The following KLHL32 variants were observed in gnomAD, a reference collection of about 807,000 sequenced individuals.
KLHL32 encodes the protein kelch like family member 32, also known as kelch-like protein 32.
KLHL32 carries 35 observed loss-of-function variants against 64.8 expected under a neutral mutation model. The observed-to-expected ratio is 0.54, with a 90% CI of 0.41 to 0.72. The LOEUF (loss-of-function observed/expected upper bound fraction) is 0.72. Among genes scored for constraint, KLHL32 ranks in the 30% least tolerant of loss-of-function variants. KLHL32 has a pLI of 0.00. For missense variants in KLHL32, 589 were observed against 768.5 expected (o/e 0.77, Z 2.76); for synonymous variants, 259 against 281.0 (o/e 0.92, Z 0.78).
At chr6:96,952,460 C>T (rs1033977215) in intron 1 of KLHL32, among the ~76,000 whole-genome samples, 2 of 152,128 alleles carry the variant, frequency 1.3e-5, no homozygotes, top group African/African-American at 4.8e-5. Flanking sequence ...CTCCATCTTG[C>T]TTCTAGCCTC....
At chr6:96,931,350 A>AC (rs994318881) in intron 1 of KLHL32, among the ~76,000 whole-genome samples, 1 of 151,950 alleles carries the variant, frequency 6.6e-6, no homozygotes, top group Admixed American at 6.6e-5. Context: ...TTTCAAAGTC[A>AC]CCCCCCGGCT....
At chr6:97,005,923 G>A (rs1779609662) in intron 3 of KLHL32, among the ~76,000 whole-genome samples, 1 of 152,158 alleles carries the variant, frequency 6.6e-6, no homozygotes, top group East Asian at 1.9e-4. Context: ...TGATTTTAGA[G>A]TATGTGGTAT....
the KLHL32 span, among the ~76,000 whole-genome samples, chr6:96,906,273 AGTTT>A: frequency 6.6e-6 from 1 of 152,220 alleles, no homozygotes; most frequent in Non-Finnish European, 1.5e-5. Flanking sequence ...TAAGCCTCTA[AGTTT>A]GTAGTGATTA....
At chr6:97,118,980 A>G (rs1164269525) in intron 7 of KLHL32, among the ~76,000 whole-genome samples, 1 of 152,206 alleles carries the variant, frequency 6.6e-6, no homozygotes, top group African/African-American at 2.4e-5. Context: ...TTAACCCTGG[A>G]GGTGCCTAAC....
chr6:96,903,029 G>A, the KLHL32 span, among the ~76,000 whole-genome samples: 5,031 of 151,792 alleles, frequency 0.033, 267 homozygotes, highest in African/African-American at 0.11. Context: ...GCATGTTGCC[G>A]CCAGCTTTTT....
At position 97,114,206 on chromosome 6, in the gene KLHL32, G is replaced by A. The variant is rs1326157560; in HGVS notation, c.1051G>A (p.Ala351Thr). 6.2e-7 allele frequency: 1 copy of A among 1,614,046 alleles called. No individual in the cohort carries two copies. Among genetic ancestry groups the A allele is most frequent in the Non-Finnish European group, 8.5e-7 (1 of 1,180,042 alleles). The change falls in exon 7 of 11, where the codon GCA becomes ACA. Residue 351 changes from alanine (A) to threonine (T), a missense_variant. Physicochemically the swap from Ala to Thr is moderately conservative, Grantham distance 58 (BLOSUM62 0). Around this residue, in one of 3 missense-constraint regions of KLHL32, gnomAD observed 226 missense variants for 353.2 expected, o/e 0.64. Transcript: ENST00000369261. ...VAVMGDFLFV[A>T]GGEVEHASGR... ...AGTCATGGGGGACTTCCTGTTTGTG[G>A]CAGGAGGGGAAGTTGAGCATGCCAG...
intron 5 of KLHL32, among the ~76,000 whole-genome samples, chr6:97,073,564 T>A (rs917473649): frequency 3.9e-5 from 6 of 152,106 alleles, no homozygotes; most frequent in Non-Finnish European, 8.8e-5. Context: ...ATTGGAAAAG[T>A]CTTTCATCTC....
upstream of KLHL32, among the ~76,000 whole-genome samples, chr6:96,922,442 A>T (rs1384691080): frequency 6.6e-6 from 1 of 152,006 alleles, no homozygotes; most frequent in Non-Finnish European, 1.5e-5. Flanking sequence ...ATATCCTTCT[A>T]CTAAGTTCCT....
In KLHL32 at chr6:97,116,922, T is replaced by G. The variant is rs1187549640; in HGVS notation, c.1354+2413T>G. ...ATATGCTGCCTCTGTTAACCAAACT[T>G]AATGAAAACAATCACAATTTTCTCA... is the stretch of plus-strand genomic sequence containing the variant. On this transcript the variant is annotated intron_variant, in intron 7 of 10. Coordinates refer to ENST00000369261, the MANE Select transcript of KLHL32 (RefSeq NM_052904.4). Among the ~76,000 whole-genome samples, 3 of 152,218 alleles carry G rather than the reference T, an allele frequency of 2.0e-5. No homozygotes were observed. In the East Asian group the frequency reaches 5.8e-4, roughly 29 times the overall value.
At chr6:96,981,629 C>A (rs2128050227) in intron 3 of KLHL32, among the ~76,000 whole-genome samples, 1 of 152,056 alleles carries the variant, frequency 6.6e-6, no homozygotes, top group East Asian at 1.9e-4. Context: ...TCTAGTTTTT[C>A]TAGGTGTGAT....
chr6:97,049,627 A>G (rs1241459149), intron 4 of KLHL32, among the ~76,000 whole-genome samples: 1 of 152,196 alleles, frequency 6.6e-6, no homozygotes, highest in Non-Finnish European at 1.5e-5. Flanking sequence ...GCAGAAAGTG[A>G]CATTTCTCCT....
rs1193971196 is a variant in KLHL32, at chr6:97,056,096, C to CTTTTTTTTTTTTTT, written c.313-8523_313-8522insTTTTTTTTTTTTTT. On this transcript the variant is annotated intron_variant, in intron 4 of 10. Transcript: ENST00000369261. ...GCCAGCCTCCCTTTTCTTTTTTTTT[C>CTTTTTTTTTTTTTT]TTTTTTTTTCTTTTTTTTTTTTTTT... Among the ~76,000 whole-genome samples the CTTTTTTTTTTTTTT allele has an allele frequency of 6.5e-5, 8 of 123,798 alleles. 1 individual carries two copies. The highest frequency in any genetic ancestry group is 1.3e-4 in the African/African-American group (4 of 30,414). 81.2% of individuals were successfully genotyped at this position (123,798 alleles called of 152,430 possible).
At chr6:96,912,697 T>C in the KLHL32 span, among the ~76,000 whole-genome samples, 3 of 152,202 alleles carry the variant, frequency 2.0e-5, no homozygotes, top group Admixed American at 1.3e-4. Flanking sequence ...AGGTACTCAA[T>C]AAGTATTAGC....
rs1797499715 is a variant in KLHL32, at chr6:97,113,815, C to T, written c.660C>T (p.His220=). 6.2e-7 allele frequency: 1 copy of T among 1,613,924 alleles called. No homozygotes were observed. Among genetic ancestry groups the T allele is most frequent in the Non-Finnish European group, 8.5e-7 (1 of 1,179,904 alleles). ...TGAGGTGGTTGGAACACAACTGCCA[C>T]TACCAGTACATGGACGAGCTCCTGC... The part of the protein sequence containing the change: ...LAVRWLEHNC[H]YQYMDELLQY... Residue 220 remains histidine (H), a synonymous_variant, in exon 7 of 11, where the codon CAC becomes CAT. Transcript: ENST00000369261.
At chr6:97,036,779 G>T (rs1413131401) in intron 3 of KLHL32, among the ~76,000 whole-genome samples, 19 of 152,190 alleles carry the variant, frequency 1.2e-4, no homozygotes, top group Admixed American at 1.2e-3. Flanking sequence ...CGTACCGGGT[G>T]CAGGGTGCCA....
intron 5 of KLHL32, 96 bp from the exon 6 acceptor site, chr6:97,085,030 A>T (rs907271152): frequency 6.0e-6 from 6 of 1,005,070 alleles, no homozygotes; most frequent in Non-Finnish European, 9.1e-6. Flanking sequence ...CACCACTGTG[A>T]TGAAAACCTT....
At chr6:97,064,517 A>G (rs927061271) in intron 4 of KLHL32, 111 bp from the exon 5 acceptor site, 4 of 711,958 alleles carry the variant, frequency 5.6e-6, no homozygotes, top group Non-Finnish European at 7.2e-6. Flanking sequence ...GTTAATTGAA[A>G]TAGAGTACGT....
At chr6:96,908,434 C>T in the KLHL32 span, among the ~76,000 whole-genome samples, 18 of 152,198 alleles carry the variant, frequency 1.2e-4, no homozygotes, top group Non-Finnish European at 2.4e-4. Context: ...AAAAATGTCA[C>T]ATGAATGTTA....
intron 4 of KLHL32, among the ~76,000 whole-genome samples, chr6:97,043,299 A>G (rs1367210695): frequency 2.0e-5 from 3 of 152,212 alleles, no homozygotes; most frequent in Non-Finnish European, 2.9e-5. Context: ...GATTCAGCAT[A>G]TAAGTGAGAT....
Sources: allele counts gnomAD v4.1 joint callset (sites outside exome capture counted in the v4.1 genomes callset), GRCh38; gene constraint gnomAD v4.1.1; regional missense constraint gnomAD v4.1.1; transcripts MANE v1.5; gene names NCBI Gene and HGNC (gene_info 2026-07-23, HGNC 2026-07-21).